Variants in ZCCHC24 observed in about 807,000 individuals in gnomAD.
The protein encoded by ZCCHC24 is zinc finger CCHC domain-containing protein 24.
A neutral mutation model predicts 26.2 loss-of-function variants in ZCCHC24; 10 were observed. That is an observed-to-expected ratio of 0.38 (90% CI 0.24 to 0.65). The LOEUF (loss-of-function observed/expected upper bound fraction) is 0.65. Among genes scored for constraint, ZCCHC24 ranks in the 30% least tolerant of loss-of-function variants. The probability of loss-of-function intolerance (pLI) is 0.54; values close to 1 mark genes in which losing one functional copy is unlikely to be tolerated. For missense variants in ZCCHC24, 243 were observed against 329.1 expected, an observed-to-expected ratio of 0.74 and a Z score of 2.03; for synonymous variants, 144 against 147.1, an observed-to-expected ratio of 0.98 and a Z score of 0.15.
chr10:79,444,065 C>T (rs1261409024), intron 1 of ZCCHC24: 4 of 1,531,186 alleles, frequency 2.6e-6, no homozygotes, highest in Non-Finnish European at 2.6e-6. Context: ...GCTTTCCTCC[C>T]CAACCCATTC....
chr10:79,423,234 T>A (rs1168223204), intron 2 of ZCCHC24, among the ~76,000 whole-genome samples: 1 of 152,038 alleles, frequency 6.6e-6, no homozygotes, highest in Non-Finnish European at 1.5e-5. Context: ...TGTGGGCCCT[T>A]TTTGCATAAA....
In ZCCHC24 at chr10:79,385,233, C is replaced by G. The variant is rs940914957; in HGVS notation, c.*1112G>C. The stretch of plus-strand genomic sequence containing the variant: ...CTTCCTAAGACACCAAGTGAAGGGT[C>G]ACGATGCGGGGTACCTGGCACCTGG... On this transcript the variant is annotated 3_prime_UTR_variant, in exon 4 of 4. Coordinates refer to ENST00000372336, the MANE Select transcript of ZCCHC24 (RefSeq NM_153367.4). The surrounding 1 kb of genome is among the most constrained non-coding windows in gnomAD (Gnocchi z 4.3). 8 of 152,232 alleles carry G rather than the reference C, an allele frequency of 5.3e-5. No homozygotes were observed. Among genetic ancestry groups the G allele is most frequent in the African/African-American group, 1.9e-4 (8 of 41,414 alleles). 9.4% of individuals were successfully genotyped at this position (152,232 alleles called of 1,614,324 possible). A position where few individuals can be genotyped will look rare whatever the true frequency, so the allele number is the denominator to read the frequency against.
intron 2 of ZCCHC24, among the ~76,000 whole-genome samples, chr10:79,410,757 G>T (rs1448124504): frequency 2.0e-5 from 3 of 151,658 alleles, no homozygotes; most frequent in Admixed American, 1.3e-4. Context: ...GACCAGTTAG[G>T]GGGGTGCTGC....
intron 2 of ZCCHC24, among the ~76,000 whole-genome samples, chr10:79,425,676 A>G (rs1857017410): frequency 6.6e-6 from 1 of 152,238 alleles, no homozygotes; most frequent in African/African-American, 2.4e-5. Flanking sequence ...TGGCAATTGA[A>G]GATCACTATA....
chr10:79,388,199 T>C (rs1856426451), intron 3 of ZCCHC24, among the ~76,000 whole-genome samples: 1 of 152,088 alleles, frequency 6.6e-6, no homozygotes, highest in African/African-American at 2.4e-5. Flanking sequence ...GACAACTCAA[T>C]GGAGATAATG....
chr10:79,444,104 G>C, intron 1 of ZCCHC24: 1 of 1,544,994 alleles, frequency 6.5e-7, no homozygotes, highest in Non-Finnish European at 8.7e-7. Context: ...AAACTCACCG[G>C]TGTGCCCAGG....
At chr10:79,414,069 C>A (rs1201953042) in intron 2 of ZCCHC24, among the ~76,000 whole-genome samples, 1 of 152,238 alleles carries the variant, frequency 6.6e-6, no homozygotes, top group Admixed American at 6.5e-5. Context: ...TCACCCCTTC[C>A]ACCAAGACAG....
At chr10:79,388,124 T>G (rs144878843) in intron 3 of ZCCHC24, among the ~76,000 whole-genome samples, 20 of 152,260 alleles carry the variant, frequency 1.3e-4, no homozygotes, top group Non-Finnish European at 2.8e-4. Context: ...TCCCCTCTGG[T>G]CTCCATGCTC....
intron 1 of ZCCHC24, among the ~76,000 whole-genome samples, chr10:79,437,421 T>G (rs4980083): frequency 0.6 from 90,962 of 152,106 alleles, 27,534 homozygotes; most frequent in African/African-American, 0.69. Context: ...TAGTCCCCTC[T>G]TACCTGGCAA....
intron 2 of ZCCHC24, among the ~76,000 whole-genome samples, chr10:79,423,487 C>T (rs1040007106): frequency 2.0e-5 from 3 of 147,500 alleles, no homozygotes; most frequent in Non-Finnish European, 4.5e-5. Context: ...GGAGGTAGAG[C>T]TTGCAGTGAG....
At chr10:79,414,728 C>T (rs1182766750) in intron 2 of ZCCHC24, among the ~76,000 whole-genome samples, 2 of 152,322 alleles carry the variant, frequency 1.3e-5, no homozygotes, top group East Asian at 1.9e-4. Flanking sequence ...GTCAGAATTA[C>T]CTGGGGAGCT....
At chr10:79,390,737 A>G (rs542195639) in intron 3 of ZCCHC24, among the ~76,000 whole-genome samples, 10 of 152,328 alleles carry the variant, frequency 6.6e-5, no homozygotes, top group South Asian at 4.1e-4. Flanking sequence ...GGCAAGGCCC[A>G]GTGGTGTTTT....
intron 2 of ZCCHC24, among the ~76,000 whole-genome samples, chr10:79,421,620 A>ATATT (rs1215454590): frequency 6.6e-6 from 1 of 151,518 alleles, no homozygotes; most frequent in Non-Finnish European, 1.5e-5. Flanking sequence ...TGCATTTTTT[A>ATATT]TATTTATTTA....
chr10:79,443,922 C>T (rs2091023128), intron 1 of ZCCHC24, among the ~76,000 whole-genome samples: 1 of 152,234 alleles, frequency 6.6e-6, no homozygotes, highest in Non-Finnish European at 1.5e-5. Flanking sequence ...GTCAACAGGT[C>T]AGCCTGGGTA....
In ZCCHC24 at chr10:79,403,472, C is replaced by T. The variant is rs562131129; in HGVS notation, c.448-9032G>A. On this transcript the variant is annotated intron_variant, in intron 2 of 3. Transcript: ENST00000372336. ...GGCAGGTGGAAGGGCTGCGTCCCTG[C>T]AGCCTGGTCTGGGCAGCTGCAGGCT... The T allele has an allele frequency of 3.9e-5, 38 of 985,480 alleles. No homozygotes were observed. In the African/African-American group the frequency reaches 6.4e-4, roughly 17 times the overall value. The allele number at this position is 985,480 out of a possible 1,614,324, so 61.0% of individuals were successfully genotyped here. A position where few individuals can be genotyped will look rare whatever the true frequency, so the allele number is the denominator to read the frequency against.
intron 2 of ZCCHC24, among the ~76,000 whole-genome samples, chr10:79,412,354 G>C (rs1047641600): frequency 1.1e-4 from 16 of 152,248 alleles, no homozygotes; most frequent in African/African-American, 3.4e-4. Flanking sequence ...ATGAGCCTCT[G>C]TGCGAGTGTG....
At chr10:79,414,365 GGAA>G (rs2132198424) in intron 2 of ZCCHC24, among the ~76,000 whole-genome samples, 1 of 152,286 alleles carries the variant, frequency 6.6e-6, no homozygotes, top group South Asian at 2.1e-4. Context: ...AGAAACACAC[GGAA>G]GGTTTCAGAA....
chr10:79,406,993 G>GTC (rs1167106485), intron 2 of ZCCHC24, among the ~76,000 whole-genome samples: 3 of 152,220 alleles, frequency 2.0e-5, no homozygotes, highest in Non-Finnish European at 4.4e-5. Context: ...AAATCCAGTG[G>GTC]AAGCTGCACT....
intron 2 of ZCCHC24, among the ~76,000 whole-genome samples, chr10:79,405,515 C>T (rs946710237): frequency 5.3e-5 from 8 of 152,226 alleles, no homozygotes; most frequent in Admixed American, 3.9e-4. Flanking sequence ...AGTCCCAGGA[C>T]GCCTCCTTGG....
Sources: allele counts gnomAD v4.1 joint callset (sites outside exome capture counted in the v4.1 genomes callset), GRCh38; gene constraint gnomAD v4.1.1; non-coding constraint Gnocchi (gnomAD v3.1); transcripts MANE v1.5; gene names NCBI Gene and HGNC (gene_info 2026-07-23, HGNC 2026-07-21).